The following CCDC91 variants were observed in gnomAD, a reference collection of about 807,000 sequenced individuals.
CCDC91 encodes coiled-coil domain-containing protein 91.
In CCDC91, 48 loss-of-function variants were observed where a neutral mutation model predicts 63.2. The ratio of observed to expected loss-of-function variants is 0.76; its 90% CI spans 0.60 to 0.97. The LOEUF is 0.97. Among genes scored for constraint, CCDC91 ranks in the 50% least tolerant of loss-of-function variants. The pLI is 0.00. For synonymous variants in CCDC91, 167 were observed against 165.8 expected, an observed-to-expected ratio of 1.01 and a Z score of -0.06; for missense variants, 500 against 494.6, an observed-to-expected ratio of 1.01 and a Z score of -0.10.
At chr12:28,329,836 G>C (rs1455475202) in intron 6 of CCDC91, among the ~76,000 whole-genome samples, 1 of 152,004 alleles carries the variant, frequency 6.6e-6, no homozygotes, top group Admixed American at 6.6e-5. Context: ...TCATTGTTCA[G>C]TTCCCACCTA....
At chr12:28,454,793 A>G (rs1949984014) in intron 11 of CCDC91, among the ~76,000 whole-genome samples, 1 of 152,000 alleles carries the variant, frequency 6.6e-6, no homozygotes, top group Non-Finnish European at 1.5e-5. Flanking sequence ...ATGGCACTGT[A>G]CTGGGGATAG....
chr12:28,235,391 T>C (rs1944878068), intron 1 of CCDC91, among the ~76,000 whole-genome samples: 1 of 152,138 alleles, frequency 6.6e-6, no homozygotes, highest in Admixed American at 6.6e-5. Flanking sequence ...GATGTCAATG[T>C]TAAAGACTAT....
intron 12 of CCDC91, among the ~76,000 whole-genome samples, chr12:28,528,714 G>A (rs1420127965): frequency 4.6e-5 from 7 of 152,100 alleles, no homozygotes; most frequent in Non-Finnish European, 8.8e-5. Context: ...TCATATTTGT[G>A]ACTTACCCAG....
intron 1 of CCDC91, among the ~76,000 whole-genome samples, chr12:28,205,348 A>G (rs10843132): frequency 0.26 from 39,594 of 151,930 alleles, 5,431 homozygotes; most frequent in Non-Finnish European, 0.31. Flanking sequence ...TATTAAGTAC[A>G]GAGGTAAAAA....
At chr12:28,411,874 A>C (rs1947338283) in intron 8 of CCDC91, among the ~76,000 whole-genome samples, 1 of 152,212 alleles carries the variant, frequency 6.6e-6, no homozygotes, top group Non-Finnish European at 1.5e-5. Context: ...CAGGTCCTTC[A>C]GGAGGTATTT....
At chr12:28,385,350 T>A (rs1945537135) in intron 7 of CCDC91, among the ~76,000 whole-genome samples, 1 of 152,166 alleles carries the variant, frequency 6.6e-6, no homozygotes, top group Non-Finnish European at 1.5e-5. Flanking sequence ...CTTGCCTAAA[T>A]CATGATTAAT....
chr12:28,367,653 T>C (rs1360609113), intron 7 of CCDC91, among the ~76,000 whole-genome samples: 2 of 152,226 alleles, frequency 1.3e-5, no homozygotes, highest in Admixed American at 1.3e-4. Flanking sequence ...GAACTGCAAA[T>C]ATGATAAAGA....
chr12:28,433,202 G>A (rs1948723990), intron 8 of CCDC91, among the ~76,000 whole-genome samples: 1 of 151,848 alleles, frequency 6.6e-6, no homozygotes, highest in Non-Finnish European at 1.5e-5. Context: ...TCATGGTGCA[G>A]ATGTTTTTAA....
intron 5 of CCDC91, among the ~76,000 whole-genome samples, chr12:28,307,159 G>A (rs530343908): frequency 1.3e-5 from 2 of 151,742 alleles, no homozygotes; most frequent in African/African-American, 2.4e-5. Context: ...CGTTTACTAG[G>A]TTTTTTCTAA....
chr12:28,456,445 A>T (rs1277536040), intron 11 of CCDC91, among the ~76,000 whole-genome samples: 1 of 152,162 alleles, frequency 6.6e-6, no homozygotes, highest in Non-Finnish European at 1.5e-5. Flanking sequence ...TTTATATGAA[A>T]TTCTAGGGAA....
rs78216637 is a variant in CCDC91 at position 28,392,333 on chromosome 12, T to C, written c.762+922T>C. Among the ~76,000 whole-genome samples, 1,404 of 152,276 alleles carry C rather than the reference T, an allele frequency of 9.2e-3. 27 individuals carry two copies. Among genetic ancestry groups the C allele is most frequent in the African/African-American group, 0.032 (1,334 of 41,556 alleles). On this transcript the variant is annotated intron_variant, in intron 8 of 12. Transcript: ENST00000536442. ...GTGCCCTAAACTCTCTGGCTTCAAA[T>C]AGCAAAAGTTTATATTTTACTCATG... is the stretch of plus-strand genomic sequence containing the variant.
At chr12:28,432,813 G>A (rs551994468) in intron 8 of CCDC91, among the ~76,000 whole-genome samples, 1 of 152,184 alleles carries the variant, frequency 6.6e-6, no homozygotes, top group Non-Finnish European at 1.5e-5. Flanking sequence ...CTTCCAAAGT[G>A]TCTGTACCAT....
chr12:28,518,079 T>G (rs1420150698), intron 12 of CCDC91, among the ~76,000 whole-genome samples: 1 of 152,010 alleles, frequency 6.6e-6, no homozygotes, highest in Non-Finnish European at 1.5e-5. Context: ...AATTGTGAAT[T>G]GTGCTGCTAT....
At chr12:28,254,473 A>C (rs1337484196) in intron 1 of CCDC91, among the ~76,000 whole-genome samples, 1 of 152,190 alleles carries the variant, frequency 6.6e-6, no homozygotes, top group Non-Finnish European at 1.5e-5. Context: ...AAATATTTTA[A>C]ATGTATTGGA....
At position 28,251,247 on chromosome 12, in the gene CCDC91, G is replaced by C. The variant is rs552609861; in HGVS notation, c.-14-5955G>C. Among the ~76,000 whole-genome samples the C allele has an allele frequency of 3.2e-4, 48 of 152,058 alleles. 1 individual carries two copies. The South Asian group carries it at 9.3e-3, about 30-fold the overall frequency. ...GTGGTCTCTTGAGATTTTATTTTTT[G>C]AAGTCAGTTATCAAAATGTCTTTAT... On this transcript the variant is annotated intron_variant, in intron 1 of 12. Coordinates refer to ENST00000536442, the MANE Select transcript of CCDC91 (RefSeq NM_018318.5).
chr12:28,442,011 C>T (rs570929486), intron 8 of CCDC91, among the ~76,000 whole-genome samples: 39 of 152,076 alleles, frequency 2.6e-4, no homozygotes, highest in Middle Eastern at 3.4e-3. Context: ...GGTGGCATTA[C>T]AGATGATAAA....
Position 28,391,395 on chromosome 12 carries a change from A to C in CCDC91, c.746A>C (p.Glu249Ala). 1.9e-6 allele frequency: 3 copies of C among 1,606,530 alleles called. No individual in the cohort carries two copies. Among genetic ancestry groups the C allele is most frequent in the Non-Finnish European group, 2.6e-6 (3 of 1,173,294 alleles). Residue 249 changes from glutamate (E) to alanine (A), a missense_variant, in exon 8 of 13, where the codon GAG becomes GCG. Coordinates refer to ENST00000536442, the MANE Select transcript of CCDC91 (RefSeq NM_018318.5). Reference protein sequence around the residue: ...AIEKQAHKCEELLNAQHQRLL... With the variant: ...AIEKQAHKCEALLNAQHQRLL... ...GAGAAACAGGCACACAAGTGTGAGG[A>C]GTTGCTAAATGCTCAGGTAATAAAA...
intron 3 of CCDC91, among the ~76,000 whole-genome samples, chr12:28,295,128 T>G (rs1180278909): frequency 6.6e-6 from 1 of 152,154 alleles, no homozygotes; most frequent in Non-Finnish European, 1.5e-5. Flanking sequence ...CTCTGCACCT[T>G]TAGAAAAAAA....
intron 1 of CCDC91, among the ~76,000 whole-genome samples, chr12:28,218,653 G>A (rs1023755044): frequency 3.3e-5 from 5 of 151,386 alleles, no homozygotes; most frequent in African/African-American, 1.2e-4. Flanking sequence ...GGTCACTGAA[G>A]TTTTGCCTTT....
Sources: gnomAD v4.1 joint callset for allele counts (sites outside exome capture counted in the v4.1 genomes callset) on GRCh38, gnomAD v4.1.1 for gene constraint, MANE v1.5 for transcripts, NCBI Gene and HGNC (gene_info 2026-07-23, HGNC 2026-07-21) for gene names.